The following RAD50 variants were observed in gnomAD, a reference collection of about 807,000 sequenced individuals.
The protein encoded by RAD50 is RAD50 double strand break repair protein, also known as DNA repair protein RAD50.
Under a neutral mutation model 168.8 loss-of-function variants are expected in RAD50, and 132 were observed. The observed-to-expected ratio is 0.78, with a 90% CI of 0.68 to 0.90. The LOEUF (loss-of-function observed/expected upper bound fraction) is 0.90. Among genes scored for constraint, RAD50 ranks in the 40% least tolerant of loss-of-function variants. The pLI is 0.00. For missense variants in RAD50, 1,347 were observed against 1,534.4 expected (o/e 0.88, Z 2.04); for synonymous variants, 525 against 497.4 (o/e 1.06, Z -0.74).
At chr5:132,587,790 T>C in intron 6 of RAD50, 100 bp downstream of exon 6, 1 of 1,566,420 alleles carries the variant, frequency 6.4e-7, no homozygotes, top group Non-Finnish European at 8.8e-7. Context: ...AAAAAACAAA[T>C]ACAGATCTTG....
intron 13 of RAD50, among the ~76,000 whole-genome samples, chr5:132,602,127 AAAAT>A (rs955673411): frequency 3.3e-5 from 5 of 152,176 alleles, no homozygotes; most frequent in Admixed American, 1.3e-4. Context: ...TTAAAGCATA[AAAAT>A]AAATAAATAA....
chr5:132,580,918 T>G (rs989794770), intron 5 of RAD50, among the ~76,000 whole-genome samples: 4 of 152,156 alleles, frequency 2.6e-5, no homozygotes, highest in Non-Finnish European at 5.9e-5. Flanking sequence ...AAAACTCACC[T>G]GTAAATACCA....
Position 132,608,702 on chromosome 5 carries a change from A to G in RAD50, c.2806A>G (p.Ser936Gly). 6.3e-7 allele frequency: 1 copy of G among 1,590,182 alleles called. No homozygotes were observed. The highest frequency in any genetic ancestry group is 2.3e-5 in the East Asian group (1 of 43,104). The change falls in exon 17 of 25, where the codon AGC becomes GGC. Residue 936 changes from serine to glycine, a missense_variant. Ser to Gly is a moderately conservative substitution (Grantham distance 56). Coordinates refer to ENST00000378823, the MANE Select transcript of RAD50 (RefSeq NM_005732.4). ...KEELINKKNTSNKIAQDKLND... is the reference protein window; with the variant it reads ...KEELINKKNTGNKIAQDKLND... ...AGAATTAATCAACAAAAAAAATACA[A>G]GCAACAAAATAGCACAGGATAAAGT...
At chr5:132,622,348 G>T (rs1751300567) in intron 21 of RAD50, among the ~76,000 whole-genome samples, 1 of 151,992 alleles carries the variant, frequency 6.6e-6, no homozygotes, top group Non-Finnish European at 1.5e-5. Flanking sequence ...TATTACAGAT[G>T]GGGTTTTGTC....
rs1037081427 is a variant in RAD50, at chr5:132,579,231, A to G, written c.366-86A>G. On this transcript the variant is annotated intron_variant, in intron 3 of 24. Coordinates refer to ENST00000378823, the MANE Select transcript of RAD50 (RefSeq NM_005732.4). The stretch of plus-strand genomic sequence containing the variant: ...AAGGGCCTTTTTTTTTATTCTTTTA[A>G]AGAAGTACAGTATGAATTGATTAAG... The G allele has an allele frequency of 4.3e-6, 6 of 1,385,854 alleles. No homozygotes were observed. In the African/African-American group the frequency reaches 4.4e-5, roughly 10 times the overall value. The allele number at this position is 1,385,854 out of a possible 1,614,324, so 85.8% of individuals were successfully genotyped here. A position where few individuals can be genotyped will look rare whatever the true frequency, so the allele number is the denominator to read the frequency against.
intron 3 of RAD50, among the ~76,000 whole-genome samples, chr5:132,577,509 C>G (rs912860084): frequency 2.6e-5 from 4 of 152,300 alleles, no homozygotes; most frequent in African/African-American, 9.6e-5. Flanking sequence ...TAGTTTATTA[C>G]TTTTTATTTG....
chr5:132,615,119 C>G (rs1180604333), intron 19 of RAD50, among the ~76,000 whole-genome samples: 1 of 152,192 alleles, frequency 6.6e-6, no homozygotes, highest in Non-Finnish European at 1.5e-5. Context: ...CCAAATCACC[C>G]TTCTTTCTGC....
intron 21 of RAD50, among the ~76,000 whole-genome samples, chr5:132,626,916 G>T (rs767620855): frequency 1.3e-5 from 2 of 151,814 alleles, no homozygotes; most frequent in Non-Finnish European, 2.9e-5. Context: ...GGTTCTCTCA[G>T]CTCTCTCAGG....
intron 7 of RAD50, 71 bp from the exon 8 acceptor site, chr5:132,588,616 G>A (rs1476599897): frequency 5.0e-6 from 7 of 1,409,790 alleles, no homozygotes; most frequent in South Asian, 3.8e-5. Context: ...TTTATAACTC[G>A]TGAATCTGCA....
intron 5 of RAD50, among the ~76,000 whole-genome samples, chr5:132,583,633 T>G (rs939057121): frequency 1.3e-5 from 2 of 152,042 alleles, no homozygotes; most frequent in African/African-American, 4.8e-5. Context: ...TCATACAGTA[T>G]GCAGACTTTT....
intron 3 of RAD50, among the ~76,000 whole-genome samples, chr5:132,576,736 C>T (rs1168097658): frequency 6.6e-6 from 1 of 152,204 alleles, no homozygotes; most frequent in Non-Finnish European, 1.5e-5. Context: ...GTCTCCATTT[C>T]TTCACCTCCT....
chr5:132,643,127 C>T lies in RAD50; in HGVS notation c.*763C>T, dbSNP rs1561662484. On this transcript the variant is annotated 3_prime_UTR_variant, in exon 25 of 25. Coordinates refer to ENST00000378823, the MANE Select transcript of RAD50 (RefSeq NM_005732.4). The stretch of plus-strand genomic sequence containing the variant: ...CCATCGTGAAGAAGCCTGTAACACT[C>T]CTCTGCGTCTATCCTGTGTAGCATA... The T allele has an allele frequency of 1.1e-5, 6 of 524,718 alleles. No individual in the cohort carries two copies. Among genetic ancestry groups the T allele is most frequent in the Non-Finnish European group, 1.5e-5 (4 of 259,240 alleles). 32.5% of individuals were successfully genotyped at this position (524,718 alleles called of 1,614,324 possible).
At chr5:132,562,642 A>T (rs1750141905) in intron 2 of RAD50, among the ~76,000 whole-genome samples, 1 of 152,136 alleles carries the variant, frequency 6.6e-6, no homozygotes, top group African/African-American at 2.4e-5. Flanking sequence ...TAAATATCCA[A>T]AGGAGATGTC....
chr5:132,560,977 C>T (rs989528137), intron 2 of RAD50, among the ~76,000 whole-genome samples: 24 of 152,168 alleles, frequency 1.6e-4, no homozygotes, highest in Middle Eastern at 3.4e-3. Flanking sequence ...TCTTTTTTTC[C>T]TCCACTAAAA....
intron 16 of RAD50, among the ~76,000 whole-genome samples, chr5:132,608,398 T>G (rs1440379706): frequency 6.6e-6 from 1 of 152,202 alleles, no homozygotes; most frequent in African/African-American, 2.4e-5. Context: ...TACTGGCTGT[T>G]GTGACCCTGG....
chr5:132,621,997 C>T (rs1751294181), intron 21 of RAD50, among the ~76,000 whole-genome samples: 2 of 152,054 alleles, frequency 1.3e-5, no homozygotes, highest in Non-Finnish European at 1.5e-5. Context: ...CTCCTCTTTC[C>T]TCTACATTGC....
Position 132,575,780 on chromosome 5 carries a change from G to A in RAD50, c.217G>A (p.Ala73Thr), listed in dbSNP as rs371122101. The change falls in exon 3 of 25, where the codon GCT (alanine) becomes ACT (threonine). Residue 73 changes from alanine to threonine, a missense_variant. Ala to Thr is a moderately conservative substitution (Grantham distance 58, BLOSUM62 0). Around this residue, in one of 3 missense-constraint regions of RAD50, gnomAD observed 703 missense variants for 767.7 expected, o/e 0.92. Coordinates refer to ENST00000378823, the MANE Select transcript of RAD50 (RefSeq NM_005732.4). The part of the protein sequence containing the change: ...GNTFVHDPKV[A>T]QETDVRAQIR... ...TTTTCTGTGTTTTCCTTCAAAGGTT[G>A]CTCAAGAAACAGATGTGAGAGCCCA... The A allele has an allele frequency of 1.6e-5, 25 of 1,590,526 alleles. No individual in the cohort carries two copies. Among genetic ancestry groups the A allele is most frequent in the Non-Finnish European group, 2.1e-5 (24 of 1,158,708 alleles).
At position 132,643,603 on chromosome 5, in the gene RAD50, A is replaced by G. The variant is rs941958087; in HGVS notation, c.*1239A>G. On this transcript the variant is annotated 3_prime_UTR_variant, in exon 25 of 25. Coordinates refer to ENST00000378823, the MANE Select transcript of RAD50 (RefSeq NM_005732.4). ...GTGCTAGGTTAAATGGTTGGCCCCC[A>G]AAGATAGACAGGTCCTGATTTCTAG... 4.4e-6 allele frequency: 1 copy of G among 229,748 alleles called. No individual in the cohort carries two copies. The highest frequency in any genetic ancestry group is 5.7e-5 in the Admixed American group (1 of 17,654). 14.2% of individuals were successfully genotyped at this position (229,748 alleles called of 1,614,324 possible).
At chr5:132,569,798 C>A (rs1003317196) in intron 2 of RAD50, among the ~76,000 whole-genome samples, 2 of 152,018 alleles carry the variant, frequency 1.3e-5, no homozygotes, top group Non-Finnish European at 2.9e-5. Flanking sequence ...GTGACTACAC[C>A]AGAATCAGTA....
Sources: allele counts gnomAD v4.1 joint callset (sites outside exome capture counted in the v4.1 genomes callset), GRCh38; gene constraint gnomAD v4.1.1; regional missense constraint gnomAD v4.1.1; transcripts MANE v1.5; gene names NCBI Gene and HGNC (gene_info 2026-07-23, HGNC 2026-07-21).